Variants in CIMAP3 observed in about 807,000 individuals in gnomAD.
The protein encoded by CIMAP3 is ciliary microtubule associated protein 3.
At chr1:111,349,941 G>A in the CIMAP3 span, 8 of 565,782 alleles carry the variant, frequency 1.4e-5, no homozygotes, top group Middle Eastern at 4.5e-4. Flanking sequence ...CATCTAACTC[G>A]AAATACATTA....
chr1:111,332,920 A>G, the CIMAP3 span, among the ~76,000 whole-genome samples: 2 of 152,208 alleles, frequency 1.3e-5, no homozygotes, highest in Non-Finnish European at 2.9e-5. Context: ...CCACCAGCCC[A>G]GAGGCGTTTG....
At chr1:111,344,774 G>A in the CIMAP3 span, among the ~76,000 whole-genome samples, 1 of 152,040 alleles carries the variant, frequency 6.6e-6, no homozygotes, top group African/African-American at 2.4e-5. Context: ...ATTATTAATG[G>A]AAGTAAAAAT....
the CIMAP3 span, among the ~76,000 whole-genome samples, chr1:111,341,407 A>C: frequency 6.6e-6 from 1 of 152,206 alleles, no homozygotes; most frequent in African/African-American, 2.4e-5. Context: ...AGTATTGAGA[A>C]AATATCAGAT....
chr1:111,324,994 A>T, the CIMAP3 span: 3 of 652,238 alleles, frequency 4.6e-6, no homozygotes, highest in Non-Finnish European at 5.7e-6. Context: ...TGATTACACA[A>T]GTTCTCTGAT....
chr1:111,335,115 G>T, the CIMAP3 span, among the ~76,000 whole-genome samples: 3 of 108,604 alleles, frequency 2.8e-5, no homozygotes, highest in African/African-American at 1.1e-4. Flanking sequence ...GTTACAGAGT[G>T]AGTCTCTGTC....
the CIMAP3 span, among the ~76,000 whole-genome samples, chr1:111,329,937 C>G: frequency 6.6e-6 from 1 of 152,024 alleles, no homozygotes; most frequent in Non-Finnish European, 1.5e-5. Context: ...TTCAGAGAAC[C>G]AGTATTCAAA....
chr1:111,327,510 T>C, the CIMAP3 span, among the ~76,000 whole-genome samples: 1 of 152,120 alleles, frequency 6.6e-6, no homozygotes, highest in Non-Finnish European at 1.5e-5. Flanking sequence ...ATTTGTAGGC[T>C]ATGTATTACT....
chr1:111,344,735 T>C, the CIMAP3 span, among the ~76,000 whole-genome samples: 1 of 152,190 alleles, frequency 6.6e-6, no homozygotes, highest in Non-Finnish European at 1.5e-5. Flanking sequence ...AAAAGCACAT[T>C]AATACCTACA....
the CIMAP3 span, chr1:111,352,946 A>C: frequency 6.6e-6 from 1 of 152,244 alleles, no homozygotes; most frequent in Non-Finnish European, 1.5e-5. Context: ...ATATAGCTTC[A>C]GTTAACCTTC....
chr1:111,351,379 T>C, the CIMAP3 span: 1 of 1,403,650 alleles, frequency 7.1e-7, no homozygotes, highest in Non-Finnish European at 9.6e-7. Flanking sequence ...TCTCCAGGAC[T>C]GAGGACAGAG....
At chr1:111,348,002 A>C in the CIMAP3 span, among the ~76,000 whole-genome samples, 1 of 152,234 alleles carries the variant, frequency 6.6e-6, no homozygotes, top group Non-Finnish European at 1.5e-5. Context: ...TACTGAAGAA[A>C]TGGTCCCAAC....
chr1:111,336,448 G>GA, the CIMAP3 span, among the ~76,000 whole-genome samples: 2 of 152,124 alleles, frequency 1.3e-5, no homozygotes, highest in Non-Finnish European at 2.9e-5. Flanking sequence ...TAAAAAATTT[G>GA]AAAAAAATTT....
chr1:111,326,674 T>G, the CIMAP3 span, among the ~76,000 whole-genome samples: 1 of 152,330 alleles, frequency 6.6e-6, no homozygotes, highest in Admixed American at 6.5e-5. Context: ...CATACTGTTT[T>G]CCATAGTAGT....
the CIMAP3 span, among the ~76,000 whole-genome samples, chr1:111,334,725 T>C: frequency 6.6e-6 from 1 of 152,188 alleles, no homozygotes; most frequent in South Asian, 2.1e-4. Flanking sequence ...ATTTTTAAAA[T>C]GGAATTGAGA....
chr1:111,336,511 A>T, the CIMAP3 span, among the ~76,000 whole-genome samples: 1 of 152,240 alleles, frequency 6.6e-6, no homozygotes, highest in Non-Finnish European at 1.5e-5. Context: ...AAAGGAGCTG[A>T]TGGAGCTGAA....
chr1:111,328,303 A>G, the CIMAP3 span, among the ~76,000 whole-genome samples: 1 of 152,174 alleles, frequency 6.6e-6, no homozygotes, highest in Non-Finnish European at 1.5e-5. Context: ...GCCAGGTGGC[A>G]ATGAAAAGAA....
the CIMAP3 span, among the ~76,000 whole-genome samples, chr1:111,332,657 A>G: frequency 6.6e-5 from 10 of 151,174 alleles, no homozygotes; most frequent in Admixed American, 5.2e-4. Flanking sequence ...AGGTATGCAC[A>G]GGGCTTTTCT....
the CIMAP3 span, chr1:111,346,551 C>A: frequency 5.1e-6 from 8 of 1,582,654 alleles, no homozygotes; most frequent in African/African-American, 9.4e-5. Context: ...CAGGCGCGCT[C>A]GGGCCCTCTC....
the CIMAP3 span, chr1:111,347,069 T>C: frequency 6.3e-7 from 1 of 1,586,494 alleles, no homozygotes; most frequent in South Asian, 1.1e-5. Flanking sequence ...CACCTCCCCT[T>C]AGATGCTCCT....
Sources: gnomAD v4.1 joint callset for allele counts (sites outside exome capture counted in the v4.1 genomes callset) on GRCh38, gnomAD v4.1.1 for gene constraint, MANE v1.5 for transcripts, NCBI Gene and HGNC (gene_info 2026-07-23, HGNC 2026-07-21) for gene names.